The following FAM168A variants were observed in gnomAD, a reference collection of about 807,000 sequenced individuals.
The protein encoded by FAM168A is family with sequence similarity 168 member A.
FAM168A carries 3 observed loss-of-function variants against 28.5 expected under a neutral mutation model. That is an observed-to-expected ratio of 0.11 (90% CI 0.05 to 0.27). The LOEUF (loss-of-function observed/expected upper bound fraction) is 0.27, where lower values mean the gene tolerates loss of function less well. Among genes scored for constraint, FAM168A ranks in the 10% least tolerant of loss-of-function variants. The pLI is 1.00. For missense variants in FAM168A, 222 were observed against 311.5 expected (o/e 0.71, Z 2.16); for synonymous variants, 122 against 124.2 (o/e 0.98, Z 0.12).
chr11:73,498,035 T>C (rs989783143), intron 1 of FAM168A, among the ~76,000 whole-genome samples: 2 of 152,132 alleles, frequency 1.3e-5, no homozygotes, highest in Admixed American at 6.5e-5. Flanking sequence ...GAAATAGCCA[T>C]GAACAAAACA....
chr11:73,520,859 C>G (rs1012248422), intron 1 of FAM168A, among the ~76,000 whole-genome samples: 1 of 151,668 alleles, frequency 6.6e-6, no homozygotes, highest in Non-Finnish European at 1.5e-5. Context: ...TATTTTAAAC[C>G]ACTGTCAAAC....
chr11:73,527,780 A>G (rs1943466414), intron 1 of FAM168A, among the ~76,000 whole-genome samples: 1 of 148,698 alleles, frequency 6.7e-6, no homozygotes, highest in African/African-American at 2.5e-5. Flanking sequence ...TGACAAAACG[A>G]AAAAAAAAAG....
chr11:73,581,381 C>T (rs1292551164), intron 1 of FAM168A, among the ~76,000 whole-genome samples: 1 of 152,172 alleles, frequency 6.6e-6, no homozygotes, highest in Non-Finnish European at 1.5e-5. Context: ...AGCTAAAAAA[C>T]AGAATACTTG....
At chr11:73,515,108 C>G (rs565620357) in intron 1 of FAM168A, among the ~76,000 whole-genome samples, 47 of 152,284 alleles carry the variant, frequency 3.1e-4, no homozygotes, top group Admixed American at 1.2e-3. Context: ...TGTTCTGCCC[C>G]AAAATAGCTC....
intron 1 of FAM168A, among the ~76,000 whole-genome samples, chr11:73,581,106 T>C (rs1415897669): frequency 1.3e-5 from 2 of 152,246 alleles, no homozygotes; most frequent in Non-Finnish European, 2.9e-5. Context: ...TTAAACAACA[T>C]GCTAAATGTG....
At chr11:73,489,850 C>T (rs1220931258) in intron 1 of FAM168A, among the ~76,000 whole-genome samples, 2 of 152,124 alleles carry the variant, frequency 1.3e-5, no homozygotes, top group Non-Finnish European at 2.9e-5. Context: ...GGCTTTTGGA[C>T]ACTATACTCA....
At chr11:73,589,801 C>T (rs1944361124) in intron 1 of FAM168A, among the ~76,000 whole-genome samples, 1 of 152,152 alleles carries the variant, frequency 6.6e-6, no homozygotes, top group Non-Finnish European at 1.5e-5. Context: ...GTGGCGCACG[C>T]CTGTAGTCCC....
chr11:73,572,734 A>G (rs1440721117), intron 1 of FAM168A, among the ~76,000 whole-genome samples: 4 of 150,960 alleles, frequency 2.6e-5, no homozygotes, highest in African/African-American at 7.3e-5. Flanking sequence ...GGACACAAAC[A>G]CTGCGGAAGG....
At chr11:73,594,956 T>C (rs1944427505) in intron 1 of FAM168A, among the ~76,000 whole-genome samples, 1 of 152,192 alleles carries the variant, frequency 6.6e-6, no homozygotes, top group African/African-American at 2.4e-5. Context: ...TGTCTATCAA[T>C]ACCTCCATCT....
intron 1 of FAM168A, among the ~76,000 whole-genome samples, chr11:73,570,209 G>A (rs887257706): frequency 2.0e-5 from 3 of 152,204 alleles, no homozygotes; most frequent in Non-Finnish European, 4.4e-5. Flanking sequence ...TTCATTAGCT[G>A]TGAGACTAAG....
At chr11:73,529,089 C>T (rs188830910) in intron 1 of FAM168A, among the ~76,000 whole-genome samples, 9 of 152,230 alleles carry the variant, frequency 5.9e-5, no homozygotes, top group Admixed American at 3.3e-4. Context: ...TTTAAAAGGT[C>T]GATTATTACC....
intron 1 of FAM168A, among the ~76,000 whole-genome samples, chr11:73,557,533 ATTAAG>A (rs1943904867): frequency 1.3e-5 from 2 of 152,278 alleles, no homozygotes; most frequent in African/African-American, 4.8e-5. Context: ...TCTGGCCAAA[ATTAAG>A]TTATTAATTT....
intron 1 of FAM168A, among the ~76,000 whole-genome samples, chr11:73,584,223 A>T (rs537034288): frequency 6.6e-6 from 1 of 151,626 alleles, no homozygotes; most frequent in East Asian, 1.9e-4. Context: ...CCCAGGTTGG[A>T]GTGCAATGGC....
At chr11:73,521,160 CT>C (rs1943370380) in intron 1 of FAM168A, among the ~76,000 whole-genome samples, 1 of 152,178 alleles carries the variant, frequency 6.6e-6, no homozygotes, top group Non-Finnish European at 1.5e-5. Context: ...GTAGGTTGTT[CT>C]GCATGTGCGA....
chr11:73,482,146 G>A lies in FAM168A; in HGVS notation c.-18-13654C>T, dbSNP rs553960772. On this transcript the variant is annotated intron_variant, in intron 1 of 7. Transcript: ENST00000356467. ...ACCCAGTCTCAGGTGTTTTGTTACA[G>A]CAGCACAAAATACACAAAGACAACA... is the stretch of plus-strand genomic sequence containing the variant. Among the ~76,000 whole-genome samples, 59 of 143,486 alleles carry A rather than the reference G, an allele frequency of 4.1e-4. No individual in the cohort carries two copies. In the South Asian group the frequency reaches 4.7e-3, roughly 12 times the overall value. The allele number at this position is 143,486 out of a possible 152,430, so 94.1% of individuals were successfully genotyped here.
At chr11:73,409,065 C>T (rs1328529005) in intron 6 of FAM168A, among the ~76,000 whole-genome samples, 1 of 152,102 alleles carries the variant, frequency 6.6e-6, no homozygotes, top group Non-Finnish European at 1.5e-5. Flanking sequence ...CACATCCCTG[C>T]CCTGCTTGAC....
chr11:73,419,787 A>G, intron 4 of FAM168A, 87 bp downstream of exon 4: 1 of 1,519,256 alleles, frequency 6.6e-7, no homozygotes. Flanking sequence ...CATAAATGTC[A>G]TTTTAAAAAG....
chr11:73,535,421 T>TC (rs1489590632), intron 1 of FAM168A, among the ~76,000 whole-genome samples: 1 of 100,582 alleles, frequency 9.9e-6, no homozygotes. Context: ...TTTCTTTCTT[T>TC]TTTTTTTTTT....
intron 1 of FAM168A, among the ~76,000 whole-genome samples, chr11:73,577,026 T>C (rs1944185782): frequency 6.6e-6 from 1 of 151,998 alleles, no homozygotes; most frequent in Admixed American, 6.6e-5. Flanking sequence ...CAGACTTGAA[T>C]GGGAAACCTG....
Sources: allele counts gnomAD v4.1 joint callset (sites outside exome capture counted in the v4.1 genomes callset), GRCh38; gene constraint gnomAD v4.1.1; transcripts MANE v1.5; gene names NCBI Gene and HGNC (gene_info 2026-07-23, HGNC 2026-07-21).